VPS41: variants seen among roughly 807,000 people sequenced by gnomAD.
VPS41 encodes VPS41 subunit of HOPS complex, also known as vacuolar protein sorting-associated protein 41 homolog.
VPS41 carries 85 observed loss-of-function variants against 130.9 expected under a neutral mutation model. That is an observed-to-expected ratio of 0.65 (90% CI 0.55 to 0.78). The LOEUF (loss-of-function observed/expected upper bound fraction) is 0.78. VPS41 is among the 30% of genes least tolerant of loss of function. The pLI is 0.00. For synonymous variants in VPS41, 335 were observed against 332.9 expected, an observed-to-expected ratio of 1.01 and a Z score of -0.07; for missense variants, 874 against 1,018.7, an observed-to-expected ratio of 0.86 and a Z score of 1.93.
rs1784816959 is a variant in VPS41 at position 38,805,272 on chromosome 7, C to T, written c.451-8408G>A. On this transcript the variant is annotated intron_variant, in intron 7 of 28. Coordinates refer to ENST00000310301, the MANE Select transcript of VPS41 (RefSeq NM_014396.4). ...AAAACAGGCCAGGCGCAGTGGCTCA[C>T]GCCTGTAATCCCAGCACTTCAGGAG... Among the ~76,000 whole-genome samples the T allele has an allele frequency of 3.9e-5, 6 of 152,196 alleles. No homozygotes were observed. The South Asian group carries it at 1.0e-3, about 26-fold the overall frequency.
In VPS41 at chr7:38,723,900, C is replaced by T. The variant is rs1031370869; in HGVS notation, c.*2346G>A. Reference sequence around the variant, plus strand: ...TGGATTATTTTGCCATATTTAAGCCCTTATAGGTTGATGAAAAGTAAAAAG... The same window carrying T: ...TGGATTATTTTGCCATATTTAAGCCTTTATAGGTTGATGAAAAGTAAAAAG... On this transcript the variant is annotated 3_prime_UTR_variant, in exon 29 of 29. Transcript: ENST00000310301. 1.3e-5 allele frequency: 2 copies of T among 151,834 alleles called. No individual in the cohort carries two copies. Among genetic ancestry groups the T allele is most frequent in the Non-Finnish European group, 2.9e-5 (2 of 67,966 alleles). 9.4% of individuals were successfully genotyped at this position (151,834 alleles called of 1,614,324 possible). A position where few individuals can be genotyped will look rare whatever the true frequency, so the allele number is the denominator to read the frequency against.
At chr7:38,738,924 C>T (rs1259107417) in intron 25 of VPS41, among the ~76,000 whole-genome samples, 1 of 152,200 alleles carries the variant, frequency 6.6e-6, no homozygotes, top group Non-Finnish European at 1.5e-5. Flanking sequence ...CCTAATGATG[C>T]TAACCTTCGG....
At chr7:38,737,044 T>G (rs1323316956) in intron 25 of VPS41, among the ~76,000 whole-genome samples, 2 of 152,092 alleles carry the variant, frequency 1.3e-5, no homozygotes, top group Admixed American at 1.3e-4. Context: ...TCCCTTAGAT[T>G]GGTAGCTGGG....
chr7:38,829,206 A>T (rs1021981605), intron 5 of VPS41, among the ~76,000 whole-genome samples: 7 of 152,216 alleles, frequency 4.6e-5, no homozygotes, highest in Non-Finnish European at 8.8e-5. Flanking sequence ...TTTGAAAAGC[A>T]CTAGTGTTCC....
chr7:38,895,330 T>C (rs28668059), intron 2 of VPS41, among the ~76,000 whole-genome samples: 1,852 of 151,816 alleles, frequency 0.012, 37 homozygotes, highest in African/African-American at 0.041. Flanking sequence ...TAAAAAAAAA[T>C]AAAAATAAAA....
chr7:38,861,504 G>A (rs149619912), intron 4 of VPS41, among the ~76,000 whole-genome samples: 60 of 152,314 alleles, frequency 3.9e-4, no homozygotes, highest in Non-Finnish European at 6.5e-4. Flanking sequence ...TGATGCATGA[G>A]TATGATTAGA....
chr7:38,749,693 A>T (rs955479490), intron 22 of VPS41, among the ~76,000 whole-genome samples: 2 of 152,202 alleles, frequency 1.3e-5, no homozygotes, highest in Admixed American at 1.3e-4. Context: ...TATACAAAAC[A>T]GGCAGACAGG....
At chr7:38,861,805 C>T (rs1476699771) in intron 4 of VPS41, among the ~76,000 whole-genome samples, 1 of 152,150 alleles carries the variant, frequency 6.6e-6, no homozygotes, top group African/African-American at 2.4e-5. Context: ...CACCTTCACA[C>T]CAAAATCAAG....
At chr7:38,872,600 T>C (rs1051914268) in intron 2 of VPS41, among the ~76,000 whole-genome samples, 1 of 152,146 alleles carries the variant, frequency 6.6e-6, no homozygotes, top group Non-Finnish European at 1.5e-5. Flanking sequence ...CTTTAAGAAC[T>C]AATAGCAACA....
chr7:38,729,396 T>C (rs1209465873), intron 25 of VPS41, among the ~76,000 whole-genome samples: 3 of 151,754 alleles, frequency 2.0e-5, no homozygotes, highest in Non-Finnish European at 2.9e-5. Context: ...CCATTCAGCA[T>C]AGTGCTATGA....
chr7:38,848,453 C>T (rs1253642718), intron 4 of VPS41, among the ~76,000 whole-genome samples: 3 of 151,962 alleles, frequency 2.0e-5, no homozygotes, highest in Admixed American at 2.0e-4. Flanking sequence ...ACCCCATATA[C>T]AATTGAACAT....
At chr7:38,873,716 G>C (rs1410978793) in intron 2 of VPS41, among the ~76,000 whole-genome samples, 5 of 152,096 alleles carry the variant, frequency 3.3e-5, no homozygotes, top group African/African-American at 4.8e-5. Flanking sequence ...CTTTTAAAAA[G>C]AATCAATTCC....
chr7:38,843,555 G>A (rs1294677438), intron 4 of VPS41, among the ~76,000 whole-genome samples: 7 of 152,140 alleles, frequency 4.6e-5, no homozygotes, highest in African/African-American at 1.2e-4. Flanking sequence ...GGTGCTGGGC[G>A]CCTGTAATCC....
In VPS41 at chr7:38,775,005, G is replaced by A. The variant is rs77287754; in HGVS notation, c.883-761C>T. On this transcript the variant is annotated intron_variant, in intron 11 of 28. Transcript: ENST00000310301. ...AATGGAATAATGCCCATGAAAACAGGGCAATGCAGAGTAGCATGTGACTAT... is the reference window on the plus strand; with the variant it reads ...AATGGAATAATGCCCATGAAAACAGAGCAATGCAGAGTAGCATGTGACTAT... Among the ~76,000 whole-genome samples the A allele has an allele frequency of 1.2e-3, 181 of 152,266 alleles. 2 individuals carry two copies. Among genetic ancestry groups the A allele is most frequent in the African/African-American group, 4.1e-3 (172 of 41,544 alleles).
rs773853236 is a variant in VPS41, at chr7:38,726,984, T to C, written c.2409A>G (p.Ala803=). 3 of 1,565,940 alleles carry C rather than the reference T, an allele frequency of 1.9e-6. No homozygotes were observed. Among genetic ancestry groups the C allele is most frequent in the East Asian group, 2.4e-5 (1 of 41,208 alleles). The part of the protein sequence containing the change: ...SCLSPILPSD[A]AKPFSVVVFH... ...AGACCACCACGCTGAAGGGCTTAGC[T>C]GCATCTGGCGAGGAGGGCAGAGAAA... Residue 803 remains alanine, a synonymous_variant, in exon 28 of 29, where the codon GCA becomes GCG. Transcript: ENST00000310301.
intron 2 of VPS41, among the ~76,000 whole-genome samples, chr7:38,894,828 G>C (rs1297961505): frequency 6.6e-6 from 1 of 152,068 alleles, no homozygotes; most frequent in Non-Finnish European, 1.5e-5. Flanking sequence ...AATGGAAAGA[G>C]CCCAGAGTTG....
Position 38,758,360 on chromosome 7 carries a change from G to T in VPS41, c.1544C>A (p.Ala515Glu). The change falls in exon 18 of 29, where the codon GCA (alanine) becomes GAA (glutamate). Residue 515 changes from alanine to glutamate, a missense_variant. Physicochemically the swap from Ala to Glu is moderately radical, Grantham distance 107. Coordinates refer to ENST00000310301, the MANE Select transcript of VPS41 (RefSeq NM_014396.4). ...SQNKTLLKTL[A>E]ELYTYDKNYG... The stretch of plus-strand genomic sequence containing the variant: ...AACACTTAAGTATACTCACAATTCT[G>T]CCAGGGTTTTAAGTAAAGTCTTGTT... The T allele has an allele frequency of 6.2e-7, 1 of 1,607,740 alleles. No individual in the cohort carries two copies. Among genetic ancestry groups the T allele is most frequent in the Non-Finnish European group, 8.5e-7 (1 of 1,178,210 alleles).
At chr7:38,860,045 G>A (rs1334261871) in intron 4 of VPS41, among the ~76,000 whole-genome samples, 1 of 152,094 alleles carries the variant, frequency 6.6e-6, no homozygotes, top group East Asian at 1.9e-4. Context: ...TCATTCTTCA[G>A]CAACAAAAGA....
At chr7:38,784,269 A>G (rs979282415) in intron 10 of VPS41, among the ~76,000 whole-genome samples, 1 of 152,212 alleles carries the variant, frequency 6.6e-6, no homozygotes, top group Non-Finnish European at 1.5e-5. Context: ...TAACTTGACT[A>G]AAGTCACTTA....
Sources: allele counts gnomAD v4.1 joint callset (sites outside exome capture counted in the v4.1 genomes callset), GRCh38; gene constraint gnomAD v4.1.1; transcripts MANE v1.5; gene names NCBI Gene and HGNC (gene_info 2026-07-23, HGNC 2026-07-21).